The following GLIS3 variants were observed in gnomAD, a reference collection of about 807,000 sequenced individuals.
The protein encoded by GLIS3 is GLIS family zinc finger 3.
Under a neutral mutation model 78.6 loss-of-function variants are expected in GLIS3, and 53 were observed. That is an observed-to-expected ratio of 0.67 (90% CI 0.54 to 0.85). GLIS3 has a LOEUF of 0.85. Ranked by LOEUF, GLIS3 falls within the 40% of genes least tolerant of loss-of-function variation. The probability of loss-of-function intolerance (pLI) is 0.00; values close to 1 mark genes in which losing one functional copy is unlikely to be tolerated. For missense variants in GLIS3, 1,703 were observed against 1,231.1 expected (o/e 1.38, Z -5.74); for synonymous variants, 684 against 509.9 (o/e 1.34, Z -4.60).
intron 7 of GLIS3, among the ~76,000 whole-genome samples, chr9:3,883,558 G>A (rs543104856): frequency 6.6e-6 from 1 of 152,202 alleles, no homozygotes; most frequent in African/African-American, 2.4e-5. Flanking sequence ...TCAACGAATA[G>A]GGCACACAAT....
At chr9:4,181,236 G>A (rs12344163) in intron 2 of GLIS3, among the ~76,000 whole-genome samples, 2,555 of 152,330 alleles carry the variant, frequency 0.017, 55 homozygotes, top group African/African-American at 0.058. Context: ...CCACCCATCT[G>A]CTGGACACTA....
chr9:3,983,786 G>T (rs1231215438), intron 4 of GLIS3, among the ~76,000 whole-genome samples: 1 of 152,176 alleles, frequency 6.6e-6, no homozygotes, highest in Non-Finnish European at 1.5e-5. Context: ...GCATTCAAGA[G>T]GTGACTTGGG....
At position 4,286,495 on chromosome 9, in the gene GLIS3, A is replaced by C. The variant is rs1258332594; in HGVS notation, c.-70T>G. ...AATGACTCCTTTCAGGCAAAGTCCA[A>C]TAAGTTATCCATGGTGTGGGTTATA... On this transcript the variant is annotated 5_prime_UTR_variant, in exon 2 of 11. Coordinates refer to ENST00000381971, the MANE Select transcript of GLIS3 (RefSeq NM_001042413.2). 7.6e-6 allele frequency: 12 copies of C among 1,577,400 alleles called. No individual in the cohort carries two copies. Among genetic ancestry groups the C allele is most frequent in the Non-Finnish European group, 8.7e-7 (1 of 1,154,488 alleles).
At chr9:4,428,382 G>C in the GLIS3 span, among the ~76,000 whole-genome samples, 2 of 150,680 alleles carry the variant, frequency 1.3e-5, no homozygotes, top group African/African-American at 2.4e-5. Flanking sequence ...GGGAGGCTGA[G>C]GCACAAAAAT....
At chr9:4,338,004 A>G (rs1328902469) in intron 2 of GLIS3, among the ~76,000 whole-genome samples, 1 of 150,806 alleles carries the variant, frequency 6.6e-6, no homozygotes, top group Non-Finnish European at 1.5e-5. Context: ...TCTAATGTCT[A>G]ACTGGTAAGA....
the GLIS3 span, among the ~76,000 whole-genome samples, chr9:4,459,727 G>C: frequency 6.6e-6 from 1 of 152,140 alleles, no homozygotes; most frequent in African/African-American, 2.4e-5. Flanking sequence ...GAGGTCAAGT[G>C]AGCCACTGCA....
chr9:4,014,223 G>C (rs76283587), intron 4 of GLIS3, among the ~76,000 whole-genome samples: 4,421 of 152,188 alleles, frequency 0.029, 231 homozygotes, highest in African/African-American at 0.1. Context: ...ATGGGGCCTT[G>C]AATATGGGAG....
chr9:3,902,424 G>T (rs1823375081), intron 6 of GLIS3, among the ~76,000 whole-genome samples: 1 of 152,078 alleles, frequency 6.6e-6, no homozygotes, highest in Non-Finnish European at 1.5e-5. Flanking sequence ...TCTTGGGAGG[G>T]GTGTCTTTCA....
intron 2 of GLIS3, among the ~76,000 whole-genome samples, chr9:4,138,436 C>T (rs892928719): frequency 1.3e-5 from 2 of 152,078 alleles, no homozygotes; most frequent in African/African-American, 2.4e-5. Context: ...CTGCTGAGTA[C>T]AAAAAGAGCT....
At chr9:4,049,164 G>T (rs779743350) in intron 4 of GLIS3, among the ~76,000 whole-genome samples, 2 of 152,126 alleles carry the variant, frequency 1.3e-5, no homozygotes, top group South Asian at 4.1e-4. Context: ...GCTGCACCTG[G>T]ATAGGAACTA....
chr9:3,883,624 C>T (rs1046533830), intron 7 of GLIS3, among the ~76,000 whole-genome samples: 6 of 152,174 alleles, frequency 3.9e-5, no homozygotes, highest in African/African-American at 1.4e-4. Context: ...GGATACAGGG[C>T]AATATTAACA....
chr9:4,362,171 A>G, the GLIS3 span, among the ~76,000 whole-genome samples: 4 of 152,250 alleles, frequency 2.6e-5, no homozygotes, highest in South Asian at 6.2e-4. Flanking sequence ...TTGTGTCTCA[A>G]ATTAGTCTCT....
At chr9:4,384,811 C>T in the GLIS3 span, among the ~76,000 whole-genome samples, 17 of 152,230 alleles carry the variant, frequency 1.1e-4, no homozygotes, top group African/African-American at 3.9e-4. Context: ...ACCCACTCAA[C>T]CTCCAGCCCC....
chr9:4,411,229 G>A, the GLIS3 span, among the ~76,000 whole-genome samples: 1 of 152,112 alleles, frequency 6.6e-6, no homozygotes, highest in Non-Finnish European at 1.5e-5. Flanking sequence ...AAATTACTGT[G>A]AAACCTTCAC....
At chr9:4,182,542 G>C (rs1467765744) in intron 2 of GLIS3, among the ~76,000 whole-genome samples, 3 of 152,176 alleles carry the variant, frequency 2.0e-5, no homozygotes, top group African/African-American at 4.8e-5. Flanking sequence ...ACTGAGAAAA[G>C]ATGATGAGAA....
At chr9:4,083,201 TA>T (rs1186920026) in intron 4 of GLIS3, among the ~76,000 whole-genome samples, 1 of 152,194 alleles carries the variant, frequency 6.6e-6, no homozygotes, top group African/African-American at 2.4e-5. Context: ...TGTGTGTGTT[TA>T]TGTGTGTTTA....
At chr9:3,908,706 G>GTTTTGTTTTTTTTTTTT (rs1823893182) in intron 6 of GLIS3, among the ~76,000 whole-genome samples, 1 of 85,554 alleles carries the variant, frequency 1.2e-5, no homozygotes, top group African/African-American at 5.4e-5. Context: ...ATTTGTATTT[G>GTTTTGTTTTTTTTTTTT]TTTTTTTTTT....
chr9:4,154,227 A>G (rs927526015), intron 2 of GLIS3, among the ~76,000 whole-genome samples: 1 of 152,266 alleles, frequency 6.6e-6, no homozygotes, highest in East Asian at 1.9e-4. Flanking sequence ...AACCCATGCA[A>G]ATTCAAGGGG....
At chr9:4,343,351 A>G (rs7033396) in intron 2 of GLIS3, among the ~76,000 whole-genome samples, 2,724 of 152,254 alleles carry the variant, frequency 0.018, 80 homozygotes, top group African/African-American at 0.059. Flanking sequence ...CAACAAAACA[A>G]AACAAAACAA....
Sources: gnomAD v4.1 joint callset for allele counts (sites outside exome capture counted in the v4.1 genomes callset) on GRCh38, gnomAD v4.1.1 for gene constraint, MANE v1.5 for transcripts, NCBI Gene and HGNC (gene_info 2026-07-23, HGNC 2026-07-21) for gene names.